Variants in WDFY2 observed in about 807,000 individuals in gnomAD.
WDFY2 encodes WD repeat and FYVE domain containing 2.
WDFY2 carries 36 observed loss-of-function variants against 56.4 expected under a neutral mutation model. The ratio of observed to expected loss-of-function variants is 0.64; its 90% CI spans 0.49 to 0.84. WDFY2 has a LOEUF of 0.84. Ranked by LOEUF, WDFY2 falls within the 40% of genes least tolerant of loss-of-function variation. The probability of loss-of-function intolerance (pLI) is 0.00; values close to 1 mark genes in which losing one functional copy is unlikely to be tolerated. For synonymous variants in WDFY2, 176 were observed against 183.7 expected (o/e 0.96, Z 0.34); for missense variants, 444 against 512.2 (o/e 0.87, Z 1.29).
At position 51,714,263 on chromosome 13, in the gene WDFY2, C is replaced by A. The variant is rs185617010; in HGVS notation, c.335-4935C>A. Among the ~76,000 whole-genome samples, 20 of 150,586 alleles carry A rather than the reference C, an allele frequency of 1.3e-4. 1 individual carries two copies. The highest frequency in any genetic ancestry group is 1.3e-3 in the Admixed American group (20 of 15,106). ...TGACAAGGATGTGGAGAAATTGGAA[C>A]CCTCTTTTTGTTTTTGTTTTTTTGT... On this transcript the variant is annotated intron_variant, in intron 4 of 11. Coordinates refer to ENST00000298125, the MANE Select transcript of WDFY2 (RefSeq NM_052950.4).
intron 2 of WDFY2, 57 bp from the exon 3 acceptor site, chr13:51,675,113 C>G: frequency 6.5e-7 from 1 of 1,550,302 alleles, no homozygotes. Context: ...TTAGGCACTC[C>G]TGAGTCGATG....
At chr13:51,702,501 G>T (rs952225502) in intron 3 of WDFY2, among the ~76,000 whole-genome samples, 7 of 152,062 alleles carry the variant, frequency 4.6e-5, no homozygotes, top group African/African-American at 1.7e-4. Context: ...TCTTAAAGGG[G>T]GCTGGAATGG....
intron 3 of WDFY2, among the ~76,000 whole-genome samples, chr13:51,680,266 T>C (rs999137246): frequency 3.9e-5 from 6 of 152,260 alleles, no homozygotes; most frequent in African/African-American, 1.4e-4. Context: ...CATACCTGGC[T>C]AATGTTTTGG....
intron 3 of WDFY2, 87 bp downstream of exon 3, chr13:51,675,330 C>T: frequency 7.9e-7 from 1 of 1,266,494 alleles, no homozygotes; most frequent in Non-Finnish European, 1.1e-6. Context: ...TTCAAGTTAA[C>T]AGAAGAATTT....
rs1334697607 is a variant in WDFY2, at chr13:51,766,438, T to A, written c.*6669T>A. 1 of 152,226 alleles carries A rather than the reference T, an allele frequency of 6.6e-6. No individual in the cohort carries two copies. The highest frequency in any genetic ancestry group is 6.5e-5 in the Admixed American group (1 of 15,282). 9.4% of individuals were successfully genotyped at this position (152,226 alleles called of 1,614,324 possible). Reference sequence around the variant, plus strand: ...ATGGATATCTTTTTCTTTCTTTTTTTAAAGTGAGGAGATTCTTCAGGGGGT... The same window carrying A: ...ATGGATATCTTTTTCTTTCTTTTTTAAAAGTGAGGAGATTCTTCAGGGGGT... On this transcript the variant is annotated 3_prime_UTR_variant, in exon 12 of 12. Transcript: ENST00000298125.
chr13:51,737,697 TCCTTC>T (rs2138683420), intron 6 of WDFY2, among the ~76,000 whole-genome samples: 2 of 151,952 alleles, frequency 1.3e-5, no homozygotes, highest in Admixed American at 1.3e-4. Context: ...ATTCATCTGC[TCCTTC>T]ATTCAGCAGA....
intron 2 of WDFY2, among the ~76,000 whole-genome samples, chr13:51,661,040 A>G (rs1955602663): frequency 6.6e-6 from 1 of 152,220 alleles, no homozygotes; most frequent in South Asian, 2.1e-4. Context: ...CCTTATTGTT[A>G]TATCATTTAT....
intron 5 of WDFY2, among the ~76,000 whole-genome samples, chr13:51,724,900 T>C (rs1952572065): frequency 6.6e-6 from 1 of 152,232 alleles, no homozygotes; most frequent in Admixed American, 6.5e-5. Context: ...TAAGCCCACT[T>C]AGCCTTCAGT....
intron 1 of WDFY2, among the ~76,000 whole-genome samples, chr13:51,612,131 A>G (rs1420354400): frequency 1.3e-5 from 2 of 152,120 alleles, no homozygotes; most frequent in Non-Finnish European, 2.9e-5. Context: ...GAAACTGAGA[A>G]TTACAGAGCT....
intron 1 of WDFY2, among the ~76,000 whole-genome samples, chr13:51,647,410 GA>G (rs898080393): frequency 1.6e-4 from 24 of 152,308 alleles, no homozygotes; most frequent in African/African-American, 5.8e-4. Context: ...CACAAATGGT[GA>G]GTATGTGTGT....
rs574770756 is a variant in WDFY2 at position 51,694,587 on chromosome 13, C to T, written c.280-9009C>T. The stretch of plus-strand genomic sequence containing the variant: ...GATGGGCTTCCCTTTGTGGGTAACC[C>T]GACCTTTCTCTCTGGCTGCCCTTAA... On this transcript the variant is annotated intron_variant, in intron 3 of 11. Coordinates refer to ENST00000298125, the MANE Select transcript of WDFY2 (RefSeq NM_052950.4). Among the ~76,000 whole-genome samples, 1,345 of 152,216 alleles carry T rather than the reference C, an allele frequency of 8.8e-3. 23 individuals are homozygous for T. The highest frequency in any genetic ancestry group is 0.031 in the African/African-American group (1,276 of 41,504).
chr13:51,600,480 C>T (rs919195228), intron 1 of WDFY2, among the ~76,000 whole-genome samples: 2 of 152,220 alleles, frequency 1.3e-5, no homozygotes, highest in Non-Finnish European at 2.9e-5. Context: ...TCCTCTGTTT[C>T]TTTCTTAGTC....
At chr13:51,693,598 T>C (rs1179260440) in intron 3 of WDFY2, among the ~76,000 whole-genome samples, 1 of 152,190 alleles carries the variant, frequency 6.6e-6, no homozygotes, top group African/African-American at 2.4e-5. Context: ...GAGCTTTACT[T>C]CCACCTATGT....
intron 1 of WDFY2, among the ~76,000 whole-genome samples, chr13:51,616,788 G>A (rs1398430173): frequency 3.9e-5 from 6 of 152,188 alleles, no homozygotes; most frequent in African/African-American, 1.4e-4. Flanking sequence ...AGAATATTTG[G>A]TGACACTTCA....
At chr13:51,741,814 C>A (rs1356213768) in intron 7 of WDFY2, among the ~76,000 whole-genome samples, 4 of 152,148 alleles carry the variant, frequency 2.6e-5, no homozygotes, top group Non-Finnish European at 4.4e-5. Context: ...TAGCTTAGGT[C>A]TCTGAACCTT....
At chr13:51,621,911 T>C (rs930814265) in intron 1 of WDFY2, among the ~76,000 whole-genome samples, 2 of 152,228 alleles carry the variant, frequency 1.3e-5, no homozygotes, top group Non-Finnish European at 2.9e-5. Context: ...CTTTCTGTCT[T>C]TAATTCAATT....
At chr13:51,756,270 ATGCGGGGGCCTCAGGAGC>A in intron 9 of WDFY2, 44 bp from the exon 10 acceptor site, 1 of 1,558,966 alleles carries the variant, frequency 6.4e-7, no homozygotes. Context: ...GAGGGGTGAG[ATGCGGGGGCCTCAGGAGC>A]TGAGGGAGCC....
intron 4 of WDFY2, among the ~76,000 whole-genome samples, chr13:51,707,939 CTTTTTTTTTT>C (rs56054205): frequency 2.3e-3 from 134 of 57,550 alleles, no homozygotes; most frequent in Middle Eastern, 0.023. Flanking sequence ...CCTAAAACAA[CTTTTTTTTTT>C]TTTTTTTTTT....
At chr13:51,711,767 G>T (rs546152858) in intron 4 of WDFY2, among the ~76,000 whole-genome samples, 10 of 152,228 alleles carry the variant, frequency 6.6e-5, no homozygotes, top group Admixed American at 2.0e-4. Flanking sequence ...TTAGAATGGC[G>T]ATCATTAAAA....
Sources: gnomAD v4.1 joint callset for allele counts (sites outside exome capture counted in the v4.1 genomes callset) on GRCh38, gnomAD v4.1.1 for gene constraint, MANE v1.5 for transcripts, NCBI Gene and HGNC (gene_info 2026-07-23, HGNC 2026-07-21) for gene names.